The following ANO2 variants were observed in gnomAD, a reference collection of about 807,000 sequenced individuals.
ANO2 encodes anoctamin 2.
A neutral mutation model predicts 124.2 loss-of-function variants in ANO2; 101 were observed. The ratio of observed to expected loss-of-function variants is 0.81; its 90% CI spans 0.69 to 0.96. The LOEUF is 0.96. ANO2 is among the 40% of genes least tolerant of loss of function. ANO2 has a pLI of 0.00. For missense variants in ANO2, 1,293 were observed against 1,274.5 expected, an observed-to-expected ratio of 1.01 and a Z score of -0.22; for synonymous variants, 486 against 482.5, an observed-to-expected ratio of 1.01 and a Z score of -0.09.
intron 12 of ANO2, among the ~76,000 whole-genome samples, chr12:5,741,717 T>C (rs1951101475): frequency 6.6e-6 from 1 of 152,218 alleles, no homozygotes; most frequent in Non-Finnish European, 1.5e-5. Flanking sequence ...TGCTACATGC[T>C]CTGCATGCAC....
chr12:5,692,295 G>A (rs529752225), intron 14 of ANO2, among the ~76,000 whole-genome samples: 25 of 152,194 alleles, frequency 1.6e-4, no homozygotes, highest in Admixed American at 1.3e-3. Flanking sequence ...GAGAATCTAG[G>A]ATGACTCCTA....
intron 10 of ANO2, among the ~76,000 whole-genome samples, chr12:5,771,841 T>C (rs975220541): frequency 1.3e-5 from 2 of 152,178 alleles, no homozygotes; most frequent in African/African-American, 4.8e-5. Context: ...CAAAAGGGGA[T>C]TCACAACAGA....
At chr12:5,610,414 C>T (rs1488494829) in intron 19 of ANO2, among the ~76,000 whole-genome samples, 1 of 116,830 alleles carries the variant, frequency 8.6e-6, no homozygotes, top group Non-Finnish European at 1.7e-5. Context: ...TATATAAATG[C>T]ATATATTTAT....
intron 3 of ANO2, among the ~76,000 whole-genome samples, chr12:5,896,532 C>T (rs1246815054): frequency 6.6e-6 from 1 of 152,110 alleles, no homozygotes; most frequent in African/African-American, 2.4e-5. Flanking sequence ...GCCCCACCTT[C>T]TAGATGGTCA....
At chr12:5,706,418 T>C (rs78941354) in intron 14 of ANO2, among the ~76,000 whole-genome samples, 2 of 152,232 alleles carry the variant, frequency 1.3e-5, no homozygotes, top group Non-Finnish European at 2.9e-5. Flanking sequence ...ATCAGGAATA[T>C]ACCTGCCCCG....
chr12:5,717,915 A>G (rs1950080729), intron 14 of ANO2, among the ~76,000 whole-genome samples: 1 of 152,166 alleles, frequency 6.6e-6, no homozygotes, highest in African/African-American at 2.4e-5. Context: ...ATTCATGACA[A>G]TCTCACTTGG....
At chr12:5,818,715 G>C (rs915998029) in intron 7 of ANO2, among the ~76,000 whole-genome samples, 5 of 151,738 alleles carry the variant, frequency 3.3e-5, no homozygotes. Flanking sequence ...ATAGTCCTTG[G>C]CATGAACTGT....
At chr12:5,641,109 C>A (rs1946360821) in intron 15 of ANO2, among the ~76,000 whole-genome samples, 1 of 150,888 alleles carries the variant, frequency 6.6e-6, no homozygotes, top group South Asian at 2.1e-4. Context: ...TCATTCTGAG[C>A]AAACTATCAC....
chr12:5,799,658 T>C, intron 9 of ANO2, 87 bp from the exon 10 acceptor site: 1 of 1,178,386 alleles, frequency 8.5e-7, no homozygotes, highest in Non-Finnish European at 1.2e-6. Context: ...CAGATTTTTA[T>C]CCCCAAAGTC....
intron 3 of ANO2, among the ~76,000 whole-genome samples, chr12:5,905,724 G>T (rs1463630320): frequency 6.6e-6 from 1 of 152,222 alleles, no homozygotes; most frequent in African/African-American, 2.4e-5. Context: ...ATGGCACAGA[G>T]CCAGAGAGGG....
intron 16 of ANO2, among the ~76,000 whole-genome samples, chr12:5,625,333 GAA>G (rs1945341567): frequency 6.6e-6 from 1 of 151,666 alleles, no homozygotes; most frequent in South Asian, 2.1e-4. Flanking sequence ...AAGGTAGAAA[GAA>G]CAATACTTAC....
At chr12:5,774,904 T>A (rs1188742994) in intron 10 of ANO2, among the ~76,000 whole-genome samples, 1 of 152,234 alleles carries the variant, frequency 6.6e-6, no homozygotes, top group East Asian at 1.9e-4. Context: ...TTGATGACTT[T>A]CTTTTAACCA....
chr12:5,810,891 C>A (rs1269391805), intron 7 of ANO2, among the ~76,000 whole-genome samples: 1 of 152,198 alleles, frequency 6.6e-6, no homozygotes, highest in Non-Finnish European at 1.5e-5. Context: ...GGGGCAGGGC[C>A]AAGAAACATG....
intron 3 of ANO2, among the ~76,000 whole-genome samples, chr12:5,864,048 T>C (rs1449597676): frequency 6.6e-6 from 1 of 152,138 alleles, no homozygotes; most frequent in Admixed American, 6.5e-5. Context: ...GCCTTGGTAC[T>C]CAAAGCACAG....
At chr12:5,598,994 C>G (rs1265858088) in intron 20 of ANO2, among the ~76,000 whole-genome samples, 1 of 152,146 alleles carries the variant, frequency 6.6e-6, no homozygotes, top group East Asian at 1.9e-4. Context: ...TTCATCTTAT[C>G]CAGCCTTATC....
chr12:5,612,821 G>A (rs781759314), intron 18 of ANO2, 65 bp from the exon 19 acceptor site: 191 of 1,606,766 alleles, frequency 1.2e-4, no homozygotes, highest in Non-Finnish European at 1.5e-4. Flanking sequence ...GCAGGGGCGC[G>A]AATGAAGCCA....
At chr12:5,650,901 C>T (rs1946884720) in intron 14 of ANO2, among the ~76,000 whole-genome samples, 1 of 152,188 alleles carries the variant, frequency 6.6e-6, no homozygotes. Flanking sequence ...TTTAAAATTA[C>T]CCAACCTATG....
At chr12:5,743,086 A>G (rs889566146) in intron 12 of ANO2, among the ~76,000 whole-genome samples, 1 of 151,892 alleles carries the variant, frequency 6.6e-6, no homozygotes, top group African/African-American at 2.4e-5. Flanking sequence ...TCTCCACCCA[A>G]GTGAAGGTCC....
At chr12:5,575,027 T>C (rs953531286) in intron 23 of ANO2, among the ~76,000 whole-genome samples, 1 of 152,118 alleles carries the variant, frequency 6.6e-6, no homozygotes, top group African/African-American at 2.4e-5. Context: ...CAGCCCACAT[T>C]TGTCCCCACC....
Sources: gnomAD v4.1 joint callset for allele counts (sites outside exome capture counted in the v4.1 genomes callset) on GRCh38, gnomAD v4.1.1 for gene constraint, MANE v1.5 for transcripts, NCBI Gene and HGNC (gene_info 2026-07-23, HGNC 2026-07-21) for gene names.